DNAJC6: variants seen among roughly 807,000 people sequenced by gnomAD.
DNAJC6 encodes the protein auxilin.
DNAJC6 carries 34 observed loss-of-function variants against 110.0 expected under a neutral mutation model. The observed-to-expected ratio is 0.31, with a 90% CI of 0.24 to 0.41. DNAJC6 has a LOEUF of 0.41. Among genes scored for constraint, DNAJC6 ranks in the 10% least tolerant of loss-of-function variants. The probability of loss-of-function intolerance (pLI) is 1.00; values close to 1 mark genes in which losing one functional copy is unlikely to be tolerated. For missense variants in DNAJC6, 1,031 were observed against 1,207.8 expected (o/e 0.85, Z 2.17); for synonymous variants, 406 against 437.2 (o/e 0.93, Z 0.89).
intron 5 of DNAJC6, among the ~76,000 whole-genome samples, chr1:65,383,902 G>A (rs1158925902): frequency 6.6e-6 from 1 of 152,160 alleles, no homozygotes; most frequent in African/African-American, 2.4e-5. Flanking sequence ...AATTCAACAA[G>A]TCCAAAATTA....
intron 14 of DNAJC6, 140 bp from the exon 15 acceptor site, chr1:65,401,621 G>A (rs1442375841): frequency 3.1e-5 from 37 of 1,191,564 alleles, no homozygotes; most frequent in Non-Finnish European, 3.6e-5. Context: ...AGGGAAACAG[G>A]GTCTAGCAAC....
At chr1:65,312,256 G>A (rs557562762) in intron 1 of DNAJC6, among the ~76,000 whole-genome samples, 6 of 152,264 alleles carry the variant, frequency 3.9e-5, no homozygotes, top group Non-Finnish European at 8.8e-5. Flanking sequence ...TGGCTTTGTT[G>A]TAGAAGTACA....
intron 1 of DNAJC6, among the ~76,000 whole-genome samples, chr1:65,287,035 G>A (rs1420644408): frequency 6.6e-6 from 1 of 152,150 alleles, no homozygotes; most frequent in Non-Finnish European, 1.5e-5. Context: ...TACCTAAAAT[G>A]TATATTTTGA....
At chr1:65,381,652 T>A (rs1645823875) in intron 5 of DNAJC6, among the ~76,000 whole-genome samples, 1 of 152,080 alleles carries the variant, frequency 6.6e-6, no homozygotes, top group Non-Finnish European at 1.5e-5. Context: ...AGGCTACATA[T>A]CCAAGAGCCA....
chr1:65,281,124 A>T (rs1443131009), intron 1 of DNAJC6, among the ~76,000 whole-genome samples: 1 of 151,974 alleles, frequency 6.6e-6, no homozygotes. Context: ...ACGGGCTTTC[A>T]CCATGTTGGC....
intron 1 of DNAJC6, 26 bp from the exon 2 acceptor site, chr1:65,364,609 T>G: frequency 6.4e-7 from 1 of 1,562,470 alleles, no homozygotes; most frequent in South Asian, 1.2e-5. Context: ...CATTTTTGTT[T>G]GTTTGTTTTT....
intron 15 of DNAJC6, among the ~76,000 whole-genome samples, chr1:65,403,218 T>C (rs1646045603): frequency 6.6e-6 from 1 of 152,252 alleles, no homozygotes. Context: ...TTTCATTTAA[T>C]CTTCCTCATA....
chr1:65,406,853 A>G (rs962044136), intron 16 of DNAJC6, among the ~76,000 whole-genome samples: 4 of 152,228 alleles, frequency 2.6e-5, no homozygotes, highest in Non-Finnish European at 5.9e-5. Context: ...CCAATGAAGT[A>G]CATAGGAACA....
At chr1:65,272,868 A>G (rs1334967099) in intron 1 of DNAJC6, among the ~76,000 whole-genome samples, 1 of 152,118 alleles carries the variant, frequency 6.6e-6, no homozygotes, top group Non-Finnish European at 1.5e-5. Flanking sequence ...TATGTTATTC[A>G]GATTTCCTAT....
rs533707157 is a variant in DNAJC6 at position 65,375,939 on chromosome 1, T to TA, written c.544-3457dup. On this transcript the variant is annotated intron_variant, in intron 4 of 18. Coordinates refer to ENST00000371069, the MANE Select transcript of DNAJC6 (RefSeq NM_001256864.2). ...AAAGTATTTCCTCTTCTTCCATTTT[T>TA]AAAAAATAGTTTGAGTAGGATTAAT... Among the ~76,000 whole-genome samples, 59 of 152,314 alleles carry TA rather than the reference T, an allele frequency of 3.9e-4. No homozygotes were observed. In the East Asian group the frequency reaches 6.5e-3, roughly 17 times the overall value.
chr1:65,319,755 T>G (rs1645181148), intron 1 of DNAJC6, among the ~76,000 whole-genome samples: 1 of 152,228 alleles, frequency 6.6e-6, no homozygotes, highest in Non-Finnish European at 1.5e-5. Flanking sequence ...GATAATAGTC[T>G]TCATTTTTCC....
chr1:65,397,312 C>T (rs563753960), intron 13 of DNAJC6, among the ~76,000 whole-genome samples: 14 of 152,000 alleles, frequency 9.2e-5, no homozygotes, highest in African/African-American at 1.4e-4. Context: ...TGCAAGGCGT[C>T]GCCAATCTCT....
At chr1:65,380,890 G>GTTTTTTTTGTTTTGTTTTTTTTTTTTTTT (rs1557551919) in intron 5 of DNAJC6, among the ~76,000 whole-genome samples, 1 of 118,788 alleles carries the variant, frequency 8.4e-6, no homozygotes, top group African/African-American at 4.0e-5. Context: ...GGGGGAGGGA[G>GTTTTTTTTGTTTTGTTTTTTTTTTTTTTT]TTTTTTTTTT....
chr1:65,365,071 T>C (rs578256691), intron 2 of DNAJC6, among the ~76,000 whole-genome samples: 89 of 152,260 alleles, frequency 5.8e-4, no homozygotes, highest in African/African-American at 2.1e-3. Context: ...CCTTGTTAAC[T>C]AAGAGCCCTC....
chr1:65,273,753 C>T (rs1653579623), intron 1 of DNAJC6, among the ~76,000 whole-genome samples: 1 of 151,986 alleles, frequency 6.6e-6, no homozygotes. Flanking sequence ...TAACAACATA[C>T]TTTTTAATTT....
intron 1 of DNAJC6, among the ~76,000 whole-genome samples, chr1:65,293,489 A>G (rs977962012): frequency 6.6e-6 from 1 of 152,126 alleles, no homozygotes; most frequent in Non-Finnish European, 1.5e-5. Flanking sequence ...TTTTGGAGGG[A>G]CACAGACACT....
chr1:65,295,886 A>G (rs2101249374), intron 1 of DNAJC6, among the ~76,000 whole-genome samples: 1 of 152,264 alleles, frequency 6.6e-6, no homozygotes, highest in South Asian at 2.1e-4. Flanking sequence ...CCATGGTAAT[A>G]CTCAGTAAAT....
chr1:65,355,092 C>A (rs1645529189), intron 1 of DNAJC6, among the ~76,000 whole-genome samples: 1 of 151,744 alleles, frequency 6.6e-6, no homozygotes, highest in African/African-American at 2.4e-5. Flanking sequence ...TGGCGAAACC[C>A]CGTTGCTGCA....
intron 1 of DNAJC6, among the ~76,000 whole-genome samples, chr1:65,303,678 C>T (rs1298966222): frequency 6.6e-6 from 1 of 152,258 alleles, no homozygotes; most frequent in South Asian, 2.1e-4. Flanking sequence ...CTTGCCTCAG[C>T]CTCCTGAGTA....
Sources: gnomAD v4.1 joint callset for allele counts (sites outside exome capture counted in the v4.1 genomes callset) on GRCh38, gnomAD v4.1.1 for gene constraint, MANE v1.5 for transcripts, NCBI Gene and HGNC (gene_info 2026-07-23, HGNC 2026-07-21) for gene names.